The following TG variants were observed in gnomAD, a reference collection of about 807,000 sequenced individuals.
TG encodes thyroid hormones.
A neutral mutation model predicts 324.7 loss-of-function variants in TG; 270 were observed. That is an observed-to-expected ratio of 0.83 (90% CI 0.75 to 0.92). The LOEUF (loss-of-function observed/expected upper bound fraction) is 0.92. Among genes scored for constraint, TG ranks in the 40% least tolerant of loss-of-function variants. The probability of loss-of-function intolerance (pLI) is 0.00; values close to 1 mark genes in which losing one functional copy is unlikely to be tolerated. For synonymous variants in TG, 1,401 were observed against 1,327.0 expected, an observed-to-expected ratio of 1.06 and a Z score of -1.21; for missense variants, 3,591 against 3,456.4, an observed-to-expected ratio of 1.04 and a Z score of -0.98.
At chr8:133,031,581 A>T (rs2130997423) in intron 41 of TG, among the ~76,000 whole-genome samples, 1 of 152,346 alleles carries the variant, frequency 6.6e-6, no homozygotes, top group South Asian at 2.1e-4. Context: ...AGTTAAGGAA[A>T]GATGGAGAAC....
chr8:132,969,608 A>G (rs1829180102), intron 32 of TG, 39 bp downstream of exon 32: 1 of 1,342,538 alleles, frequency 7.4e-7, no homozygotes, highest in South Asian at 1.2e-5. Flanking sequence ...TTTATTATGA[A>G]TAATACTTCC....
At chr8:132,936,035 G>A (rs765243999) in intron 25 of TG, among the ~76,000 whole-genome samples, 171 bp downstream of exon 25, 5 of 152,172 alleles carry the variant, frequency 3.3e-5, no homozygotes, top group Non-Finnish European at 5.9e-5. Flanking sequence ...AGCACAGCAC[G>A]CTCCTCAGGC....
rs1814774139 is a variant in TG at position 132,882,428 on chromosome 8, T to C, written c.746-41T>C. 7 of 1,613,582 alleles carry C rather than the reference T, an allele frequency of 4.3e-6. No individual in the cohort carries two copies. The East Asian group carries it at 1.3e-4, about 31-fold the overall frequency. On this transcript the variant is annotated intron_variant, in intron 6 of 47. Coordinates refer to ENST00000220616, the MANE Select transcript of TG (RefSeq NM_003235.5). ...CACAACAAGGTCAGGGCTTCCTTTCTGAATGAGACCATCTCTGAAAGTCTT... is the reference window on the plus strand; with the variant it reads ...CACAACAAGGTCAGGGCTTCCTTTCCGAATGAGACCATCTCTGAAAGTCTT...
At chr8:132,908,072 G>T (rs1476504827) in intron 17 of TG, 114 bp from the exon 18 acceptor site, 2 of 1,205,372 alleles carry the variant, frequency 1.7e-6, no homozygotes, top group Middle Eastern at 2.2e-4. Context: ...AAATGGCAGT[G>T]CTTATGTGTT....
chr8:132,972,939 G>A (rs1444775640), intron 34 of TG, among the ~76,000 whole-genome samples, 198 bp downstream of exon 34: 2 of 152,210 alleles, frequency 1.3e-5, no homozygotes, highest in African/African-American at 4.8e-5. Flanking sequence ...GGAAGGATGA[G>A]CAACTAGGTC....
intron 34 of TG, 55 bp downstream of exon 34, chr8:132,972,796 G>C: frequency 6.2e-7 from 1 of 1,607,640 alleles, no homozygotes; most frequent in African/African-American, 1.3e-5. Context: ...CTATTTCCCA[G>C]CCATGCATTA....
intron 41 of TG, among the ~76,000 whole-genome samples, chr8:133,089,126 C>T (rs906810189): frequency 5.9e-5 from 9 of 152,158 alleles, no homozygotes; most frequent in African/African-American, 2.2e-4. Context: ...CACACTACCC[C>T]TTTATCCTTA....
chr8:132,888,596 TGTG>T (rs1815769731), intron 10 of TG, 28 bp downstream of exon 10: 2 of 911,926 alleles, frequency 2.2e-6, no homozygotes, highest in Non-Finnish European at 2.8e-6. Context: ...AAGAGTTAAA[TGTG>T]TGTGTGTGTG....
chr8:133,073,944 G>C (rs1036816966), intron 41 of TG, among the ~76,000 whole-genome samples: 1 of 152,024 alleles, frequency 6.6e-6, no homozygotes, highest in Non-Finnish European at 1.5e-5. Context: ...AACTTTTTAT[G>C]CATTGCTCCT....
Position 132,887,063 on chromosome 8 carries a change from C to T in TG, c.1691C>T (p.Ala564Val). The change falls in exon 9 of 48, where the codon GCC becomes GTC. Residue 564 changes from alanine to valine, a missense_variant. Coordinates refer to ENST00000220616, the MANE Select transcript of TG (RefSeq NM_003235.5). ...ATTAACCTACAAGAGAACCAAAATGCCCTCAAATTCCTTGCTTCTCTCCTG... is the reference window on the plus strand; with the variant it reads ...ATTAACCTACAAGAGAACCAAAATGTCCTCAAATTCCTTGCTTCTCTCCTG... ...FEINLQENQN[A>V]LKFLASLLEL... The T allele has an allele frequency of 1.9e-6, 3 of 1,614,190 alleles. 1 individual carries two copies. The South Asian group carries it at 3.3e-5, about 18-fold the overall frequency.
At chr8:133,074,841 CT>C in intron 41 of TG, 1 of 985,470 alleles carries the variant, frequency 1.0e-6, no homozygotes, top group African/African-American at 1.7e-5. Context: ...CTGCCACATA[CT>C]CCCAAAATAC....
At chr8:132,913,001 G>A (rs1239015527) in intron 19 of TG, 46 bp from the exon 20 acceptor site, 1 of 1,586,552 alleles carries the variant, frequency 6.3e-7, no homozygotes, top group Non-Finnish European at 8.6e-7. Flanking sequence ...CCTGGCCCTA[G>A]CAGAGTACAG....
intron 36 of TG, among the ~76,000 whole-genome samples, chr8:133,012,731 G>A (rs1345427359): frequency 7.2e-5 from 11 of 152,156 alleles, no homozygotes; most frequent in Admixed American, 6.5e-4. Context: ...TGCATATCTT[G>A]CAGATTGGAC....
intron 13 of TG, 37 bp downstream of exon 13, chr8:132,898,283 C>A (rs532244675): frequency 6.4e-7 from 1 of 1,550,680 alleles, no homozygotes; most frequent in South Asian, 1.2e-5. Context: ...CCTGACCCCC[C>A]TTGGTGGGCA....
chr8:133,093,119 G>GTTTTC (rs1171984030), intron 41 of TG, among the ~76,000 whole-genome samples: 7 of 139,658 alleles, frequency 5.0e-5, no homozygotes, highest in South Asian at 2.2e-4. Flanking sequence ...GTGTGTGTGT[G>GTTTTC]TTTTCTTTTC....
chr8:133,041,788 T>G (rs1424577807), intron 41 of TG, among the ~76,000 whole-genome samples: 1 of 106,918 alleles, frequency 9.4e-6, no homozygotes, highest in African/African-American at 2.9e-5. Flanking sequence ...TGGTCAGTTT[T>G]TTTTTTTTTT....
At chr8:133,006,265 C>G (rs1384659867) in intron 35 of TG, among the ~76,000 whole-genome samples, 1 of 152,196 alleles carries the variant, frequency 6.6e-6, no homozygotes, top group Non-Finnish European at 1.5e-5. Context: ...ATGGCCAAAA[C>G]AAAACCAAAA....
chr8:132,972,130 G>C (rs1587637232), intron 33 of TG: 1 of 515,172 alleles, frequency 1.9e-6, no homozygotes, highest in Non-Finnish European at 3.5e-6. Flanking sequence ...GATATCTTTT[G>C]TTCATCTTTC....
chr8:133,056,845 G>C (rs1300033297), intron 41 of TG, among the ~76,000 whole-genome samples: 1 of 152,168 alleles, frequency 6.6e-6, no homozygotes, highest in Non-Finnish European at 1.5e-5. Flanking sequence ...AGGACTAAAA[G>C]CTGGTCTGTG....
Sources: gnomAD v4.1 joint callset for allele counts (sites outside exome capture counted in the v4.1 genomes callset) on GRCh38, gnomAD v4.1.1 for gene constraint, MANE v1.5 for transcripts, NCBI Gene and HGNC (gene_info 2026-07-23, HGNC 2026-07-21) for gene names.